The following PHF13 variants were observed in gnomAD, a reference collection of about 807,000 sequenced individuals.
PHF13 encodes the protein PHD zinc finger protein PHF5.
A neutral mutation model predicts 25.8 loss-of-function variants in PHF13; 1 was observed. The ratio of observed to expected loss-of-function variants is 0.04; its 90% CI spans 0.01 to 0.18. The LOEUF (loss-of-function observed/expected upper bound fraction) is 0.18. Ranked by LOEUF, PHF13 falls within the 10% of genes least tolerant of loss-of-function variation. PHF13 has a pLI of 1.00. For synonymous variants in PHF13, 195 were observed against 162.4 expected (o/e 1.20, Z -1.53); for missense variants, 306 against 403.2 (o/e 0.76, Z 2.06).
chr1:6,621,374 A>G lies in PHF13; in HGVS notation c.677-37A>G, dbSNP rs770432556. On this transcript the variant is annotated intron_variant, in intron 3 of 3. Coordinates refer to ENST00000377648, the MANE Select transcript of PHF13 (RefSeq NM_153812.3). This position sits in a 1 kb window ranked among gnomAD's most constrained non-coding sequence, Gnocchi z 4.8. ...CAGCTGATGGCGAGGAATGATGGGA[A>G]TTTCTCTTCCCTCCTTGAGAGTATC... 6.2e-6 allele frequency: 10 copies of G among 1,603,510 alleles called. No homozygotes were observed. In the East Asian group the frequency reaches 2.0e-4, roughly 32 times the overall value.
Position 6,621,864 on chromosome 1 carries a change from T to C in PHF13, c.*227T>C, listed in dbSNP as rs1570231201. ...GCTGCCAGAGCTGCGTTCCCTGCAG[T>C]GGAGGTGGACTGGACACCCACGTGC... On this transcript the variant is annotated 3_prime_UTR_variant, in exon 4 of 4. Transcript: ENST00000377648. The surrounding 1 kb of genome is among the most constrained non-coding windows in gnomAD (Gnocchi z 4.8). 7 of 585,622 alleles carry C rather than the reference T, an allele frequency of 1.2e-5. No individual in the cohort carries two copies. The highest frequency in any genetic ancestry group is 4.6e-4 in the Middle Eastern group (1 of 2,174). 36.3% of individuals were successfully genotyped at this position (585,622 alleles called of 1,614,324 possible). A position where few individuals can be genotyped will look rare whatever the true frequency, so the allele number is the denominator to read the frequency against.
chr1:6,616,087 T>C lies in PHF13; in HGVS notation c.40-670T>C, dbSNP rs1412044385. ...CTCTGTCTACCGGGCTGGAGTGCAG[T>C]GGCGCGATCTTGGCTCACTGTAACC... On this transcript the variant is annotated intron_variant, in intron 1 of 3. Coordinates refer to ENST00000377648, the MANE Select transcript of PHF13 (RefSeq NM_153812.3). Among the ~76,000 whole-genome samples, 9 of 142,740 alleles carry C rather than the reference T, an allele frequency of 6.3e-5. No individual in the cohort carries two copies. In the Admixed American group the frequency reaches 6.8e-4, roughly 11 times the overall value. The allele number at this position is 142,740 out of a possible 152,430, so 93.6% of individuals were successfully genotyped here.
chr1:6,615,049 G>T (rs1557444150), intron 1 of PHF13, among the ~76,000 whole-genome samples: 1 of 151,282 alleles, frequency 6.6e-6, no homozygotes, highest in Non-Finnish European at 1.5e-5. Flanking sequence ...CCGCACCTTC[G>T]GGGGCCGAGT....
Position 6,621,996 on chromosome 1 carries a change from T to G in PHF13, c.*359T>G. On this transcript the variant is annotated 3_prime_UTR_variant, in exon 4 of 4. Transcript: ENST00000377648. The surrounding 1 kb of genome is among the most constrained non-coding windows in gnomAD (Gnocchi z 4.8). ...GGCTCAGTGCCAGCTGTTATTCTGC[T>G]TCCACTGTGTTGGGGAGAGGTGTTC... is the stretch of plus-strand genomic sequence containing the variant. The G allele has an allele frequency of 2.8e-6, 1 of 359,120 alleles. No homozygotes were observed. The highest frequency in any genetic ancestry group is 3.8e-5 in the Admixed American group (1 of 26,034). The allele number at this position is 359,120 out of a possible 1,614,324, so 22.2% of individuals were successfully genotyped here.
chr1:6,614,635 C>T (rs908915590), intron 1 of PHF13: 1 of 151,548 alleles, frequency 6.6e-6, no homozygotes, highest in African/African-American at 2.4e-5. Context: ...AGTCGGCCCC[C>T]GCCCCCTACG....
chr1:6,615,860 T>G (rs1641253681), intron 1 of PHF13, among the ~76,000 whole-genome samples: 1 of 152,018 alleles, frequency 6.6e-6, no homozygotes, highest in African/African-American at 2.4e-5. Context: ...CTTGGTTTAT[T>G]GTGAGTTGAG....
intron 1 of PHF13, among the ~76,000 whole-genome samples, chr1:6,614,796 C>T (rs1211115490): frequency 5.9e-5 from 9 of 151,536 alleles, no homozygotes; most frequent in African/African-American, 1.2e-4. Context: ...CTCACTCCCC[C>T]TCCTTCCGGG....
chr1:6,614,850 TC>T (rs1307039782), intron 1 of PHF13, among the ~76,000 whole-genome samples: 6 of 148,546 alleles, frequency 4.0e-5, no homozygotes, highest in Admixed American at 1.3e-4. Context: ...CGCGGTCCCC[TC>T]CCCCCAGCCG....
In PHF13 at chr1:6,620,139, A is replaced by C; in HGVS notation, c.478A>C (p.Ile160Leu). 1 of 1,613,716 alleles carries C rather than the reference A, an allele frequency of 6.2e-7. No homozygotes were observed. The highest frequency in any genetic ancestry group is 8.5e-7 in the Non-Finnish European group (1 of 1,180,008). The change falls in exon 3 of 4, where the codon ATC (isoleucine) becomes CTC (leucine). Residue 160 changes from isoleucine (I) to leucine (L), a missense_variant. This residue lies in a region of PHF13 where 186 missense variants were observed against 164.0 expected (regional missense o/e 1.13). Transcript: ENST00000377648. Reference protein sequence around the residue: ...ETPTSPTLQDIPQAPSDPCSG... With the variant: ...ETPTSPTLQDLPQAPSDPCSG... ...CCCCACGAGTCCCACCTTGCAGGAT[A>C]TCCCCCAGGCTCCCAGCGACCCCTG...
chr1:6,617,976 C>T (rs901930307), intron 2 of PHF13, among the ~76,000 whole-genome samples: 6 of 152,100 alleles, frequency 3.9e-5, no homozygotes, highest in African/African-American at 7.2e-5. Flanking sequence ...CCTGGCTGCC[C>T]GAAATGCGTA....
chr1:6,617,078 C>G (rs961766485), intron 2 of PHF13, among the ~76,000 whole-genome samples: 2 of 152,162 alleles, frequency 1.3e-5, no homozygotes, highest in Admixed American at 6.6e-5. Context: ...GTAGAAAATG[C>G]AGGCTTGTCT....
rs569258764 is a variant in PHF13, at chr1:6,620,257, C to T, written c.596C>T (p.Thr199Ile). 1 of 1,613,966 alleles carries T rather than the reference C, an allele frequency of 6.2e-7. No homozygotes were observed. Among genetic ancestry groups the T allele is most frequent in the East Asian group, 2.2e-5 (1 of 44,884 alleles). ...VKEIKTEGKR[T>I]IVRQGKQVVF... ...GAAATAAAAACTGAAGGCAAACGGACTATCGTCCGGCAGGGAAAGCAGGTG... is the reference window on the plus strand; with the variant it reads ...GAAATAAAAACTGAAGGCAAACGGATTATCGTCCGGCAGGGAAAGCAGGTG... The change falls in exon 3 of 4, where the codon ACT (threonine) becomes ATT (isoleucine). Residue 199 changes from threonine to isoleucine, a missense_variant. Thr to Ile is a moderately conservative substitution (Grantham distance 89). This residue lies in a region of PHF13 where 186 missense variants were observed against 164.0 expected (regional missense o/e 1.13). Coordinates refer to ENST00000377648, the MANE Select transcript of PHF13 (RefSeq NM_153812.3).
intron 1 of PHF13, 48 bp from the exon 2 acceptor site, chr1:6,616,709 C>G: frequency 6.6e-7 from 1 of 1,510,378 alleles, no homozygotes; most frequent in African/African-American, 1.4e-5. Context: ...GTGATTCCGC[C>G]TGGAAGCCTC....
chr1:6,615,141 G>A (rs1164916541), intron 1 of PHF13, among the ~76,000 whole-genome samples: 3 of 151,246 alleles, frequency 2.0e-5, no homozygotes, highest in Non-Finnish European at 3.0e-5. Context: ...GGGGGGGCGG[G>A]CGGCGTGGGC....
rs190293451 is a variant in PHF13 at position 6,623,890 on chromosome 1, C to A, written c.*2253C>A. The A allele has an allele frequency of 1.2e-4, 18 of 152,748 alleles. No homozygotes were observed. Among genetic ancestry groups the A allele is most frequent in the Admixed American group, 6.5e-4 (10 of 15,310 alleles). 9.5% of individuals were successfully genotyped at this position (152,748 alleles called of 1,614,324 possible). A position where few individuals can be genotyped will look rare whatever the true frequency, so the allele number is the denominator to read the frequency against. ...TTTGGCCAGGCCAGACACTTCACAT[C>A]GTTTACATGGTTCTGTGTAATTTTA... On this transcript the variant is annotated 3_prime_UTR_variant, in exon 4 of 4. Transcript: ENST00000377648.
In PHF13 at chr1:6,623,195, T is replaced by A. The variant is rs1641371568; in HGVS notation, c.*1558T>A. On this transcript the variant is annotated 3_prime_UTR_variant, in exon 4 of 4. Coordinates refer to ENST00000377648, the MANE Select transcript of PHF13 (RefSeq NM_153812.3). ...AAGCACCAAGGGGCTTGAACCGTAA[T>A]TTGGCTAATCAGAGGCATTTTTTTT... The A allele has an allele frequency of 6.6e-6, 1 of 152,254 alleles. No homozygotes were observed. The highest frequency in any genetic ancestry group is 6.5e-5 in the Admixed American group (1 of 15,290). The allele number at this position is 152,254 out of a possible 1,614,324, so 9.4% of individuals were successfully genotyped here.
chr1:6,620,242 C>G lies in PHF13; in HGVS notation c.581C>G (p.Thr194Ser). 6.2e-7 allele frequency: 1 copy of G among 1,614,050 alleles called. No individual in the cohort carries two copies. Among genetic ancestry groups the G allele is most frequent in the Non-Finnish European group, 8.5e-7 (1 of 1,180,030 alleles). Residue 194 changes from threonine (T) to serine (S), a missense_variant, in exon 3 of 4, where the codon ACT (threonine) becomes AGT (serine). This residue lies in a region of PHF13 where 186 missense variants were observed against 164.0 expected (regional missense o/e 1.13). Transcript: ENST00000377648. ...CCTGATCAGGTCAAAGAAATAAAAA[C>G]TGAAGGCAAACGGACTATCGTCCGG... ...VSPDQVKEIK[T>S]EGKRTIVRQG...
In PHF13 at chr1:6,616,851, C is replaced by T. The variant is rs780267089; in HGVS notation, c.134C>T (p.Pro45Leu). The change falls in exon 2 of 4, where the codon CCG (proline) becomes CTG (leucine). Residue 45 changes from proline to leucine, a missense_variant. Pro to Leu is a moderately conservative substitution (Grantham distance 98). Transcript: ENST00000377648. ...GCCTATGCTGGCTACATCCCTTATCCGAAGGAGGTAATCTTCTGAGTTTCT... is the reference window on the plus strand; with the variant it reads ...GCCTATGCTGGCTACATCCCTTATCTGAAGGAGGTAATCTTCTGAGTTTCT... ...VLAYAGYIPY[P>L]KEELPLRSSP... 8.7e-6 allele frequency: 14 copies of T among 1,613,202 alleles called. No homozygotes were observed. The highest frequency in any genetic ancestry group is 5.3e-5 in the African/African-American group (4 of 74,922).
chr1:6,620,225 G>A lies in PHF13; in HGVS notation c.564G>A (p.Gln188=), dbSNP rs759998516. 10 of 1,614,014 alleles carry A rather than the reference G, an allele frequency of 6.2e-6. No homozygotes were observed. In the Admixed American group the frequency reaches 1.0e-4, roughly 16 times the overall value. The change falls in exon 3 of 4, where the codon CAG becomes CAA. Residue 188 remains glutamine (Q), a synonymous_variant. Transcript: ENST00000377648. ...SGSCATVSPD[Q]VKEIKTEGKR... The stretch of plus-strand genomic sequence containing the variant: ...CTTGTGCCACTGTGTCACCTGATCA[G>A]GTCAAAGAAATAAAAACTGAAGGCA...
Sources: gnomAD v4.1 joint callset for allele counts (sites outside exome capture counted in the v4.1 genomes callset) on GRCh38, gnomAD v4.1.1 for gene constraint, gnomAD v4.1.1 regional missense constraint, Gnocchi (gnomAD v3.1) non-coding constraint, MANE v1.5 for transcripts, NCBI Gene and HGNC (gene_info 2026-07-23, HGNC 2026-07-21) for gene names.